SMARCAD1: variants seen among roughly 807,000 people sequenced by gnomAD.
SMARCAD1 encodes the protein SNF2 related chromatin remodeling ATPase with DExD box 1.
Under a neutral mutation model 127.1 loss-of-function variants are expected in SMARCAD1, and 25 were observed. The observed-to-expected ratio is 0.20, with a 90% CI of 0.14 to 0.27. The LOEUF is 0.27. Among genes scored for constraint, SMARCAD1 ranks in the 10% least tolerant of loss-of-function variants. The pLI is 1.00. For missense variants in SMARCAD1, 807 were observed against 1,206.0 expected (o/e 0.67, Z 4.90); for synonymous variants, 400 against 396.9 (o/e 1.01, Z -0.09).
chr4:94,269,533 C>T (rs1374394494), intron 10 of SMARCAD1, among the ~76,000 whole-genome samples: 3 of 148,850 alleles, frequency 2.0e-5, no homozygotes, highest in African/African-American at 7.4e-5. Flanking sequence ...ATGATAGTAA[C>T]TACTTTATGG....
chr4:94,221,737 T>C (rs754757048), intron 2 of SMARCAD1, among the ~76,000 whole-genome samples: 29 of 152,188 alleles, frequency 1.9e-4, no homozygotes, highest in African/African-American at 4.6e-4. Context: ...TTAGCTCTTA[T>C]ATGGGCTCTT....
chr4:94,261,859 C>G, intron 9 of SMARCAD1, among the ~76,000 whole-genome samples: 1 of 152,204 alleles, frequency 6.6e-6, no homozygotes, highest in East Asian at 1.9e-4. Flanking sequence ...GTGCTCTTGC[C>G]TTGGCCTCCC....
Position 94,249,201 on chromosome 4 carries a change from G to A in SMARCAD1, c.706-453G>A, listed in dbSNP as rs571932861. 3.9e-5 allele frequency among the ~76,000 whole-genome samples: 6 copies of A among 152,122 alleles called. No individual in the cohort carries two copies. In the East Asian group the frequency reaches 1.2e-3, roughly 29 times the overall value. ...TTGTGACTGAACAATTAATATTTAA[G>A]CCATTCTGTGAATCAAGAGTGAAGT... is the stretch of plus-strand genomic sequence containing the variant. On this transcript the variant is annotated intron_variant, in intron 6 of 23. Coordinates refer to ENST00000354268, the MANE Select transcript of SMARCAD1 (RefSeq NM_020159.5).
At chr4:94,214,922 T>G (rs560447975) in intron 2 of SMARCAD1, among the ~76,000 whole-genome samples, 1 of 152,146 alleles carries the variant, frequency 6.6e-6, no homozygotes. Context: ...ACTATACCAG[T>G]CGTCAGAAAG....
intron 2 of SMARCAD1, among the ~76,000 whole-genome samples, chr4:94,223,878 G>A (rs1251212624): frequency 6.6e-6 from 1 of 151,748 alleles, no homozygotes; most frequent in Non-Finnish European, 1.5e-5. Context: ...ACCGCACCTG[G>A]CCTCTCATAG....
intron 20 of SMARCAD1, among the ~76,000 whole-genome samples, 164 bp from the exon 21 acceptor site, chr4:94,281,308 T>C (rs1191297515): frequency 6.6e-6 from 1 of 152,248 alleles, no homozygotes. Context: ...AAGACATACG[T>C]CTTCGGTATT....
intron 9 of SMARCAD1, among the ~76,000 whole-genome samples, chr4:94,256,726 G>A (rs1012346873): frequency 1.3e-5 from 2 of 152,086 alleles, no homozygotes; most frequent in Non-Finnish European, 2.9e-5. Flanking sequence ...CTTAAAGCAT[G>A]GTAATACATA....
chr4:94,255,261 A>G (rs896426635), intron 9 of SMARCAD1, among the ~76,000 whole-genome samples: 1 of 152,070 alleles, frequency 6.6e-6, no homozygotes, highest in African/African-American at 2.4e-5. Context: ...CTTAGTCTTA[A>G]GAATTGGGGA....
chr4:94,253,690 A>T, intron 9 of SMARCAD1: 1 of 995,788 alleles, frequency 1.0e-6, no homozygotes, highest in Middle Eastern at 5.2e-4. Flanking sequence ...ACTTTGCATG[A>T]TCATTTTCTG....
chr4:94,244,506 A>C lies in SMARCAD1; in HGVS notation c.705+3500A>C, dbSNP rs547776343. 2.0e-5 allele frequency among the ~76,000 whole-genome samples: 3 copies of C among 152,312 alleles called. No homozygotes were observed. The South Asian group carries it at 6.2e-4, about 32-fold the overall frequency. On this transcript the variant is annotated intron_variant, in intron 6 of 23. Coordinates refer to ENST00000354268, the MANE Select transcript of SMARCAD1 (RefSeq NM_020159.5). ...ATAACCCAAATATGAAAGACAGAAA[A>C]CATGTTCTAGGATTTAAGGCTCCTA...
At chr4:94,256,615 G>A (rs535945840) in intron 9 of SMARCAD1, among the ~76,000 whole-genome samples, 45 of 152,240 alleles carry the variant, frequency 3.0e-4, no homozygotes, top group Non-Finnish European at 1.3e-4. Flanking sequence ...CACCTGTTGC[G>A]GCCTCTCCAA....
intron 19 of SMARCAD1, 121 bp from the exon 20 acceptor site, chr4:94,280,471 T>TA (rs750689203): frequency 4.6e-6 from 4 of 864,420 alleles, no homozygotes; most frequent in Non-Finnish European, 7.1e-6. Context: ...ATAAGTCTGT[T>TA]ACACTAAAAG....
At chr4:94,239,804 C>T (rs995488456) in intron 5 of SMARCAD1, among the ~76,000 whole-genome samples, 2 of 152,042 alleles carry the variant, frequency 1.3e-5, no homozygotes, top group Non-Finnish European at 2.9e-5. Context: ...AACTCCTGAG[C>T]CCCAGAGATC....
At position 94,222,110 on chromosome 4, in the gene SMARCAD1, C is replaced by T. The variant is rs542934623; in HGVS notation, c.191-4009C>T. Among the ~76,000 whole-genome samples, 9 of 152,190 alleles carry T rather than the reference C, an allele frequency of 5.9e-5. No homozygotes were observed. In the East Asian group the frequency reaches 1.7e-3, roughly 29 times the overall value. ...TTTGCCCTGGTACGGAGAGGGTACC[C>T]CTCCCAGAGGAGCCTTCATGACTTG... On this transcript the variant is annotated intron_variant, in intron 2 of 23. Coordinates refer to ENST00000354268, the MANE Select transcript of SMARCAD1 (RefSeq NM_020159.5).
Position 94,291,178 on chromosome 4 carries a change from GTTGTTA to G in SMARCAD1, c.*1650_*1655del, listed in dbSNP as rs976193183. On this transcript the variant is annotated 3_prime_UTR_variant, in exon 24 of 24. Coordinates refer to ENST00000354268, the MANE Select transcript of SMARCAD1 (RefSeq NM_020159.5). The stretch of plus-strand genomic sequence containing the variant: ...TCAATGATAGGCTGTTTCTTTTTTT[GTTGTTA>G]TTGTTGTTGTTGTTATATCCATACT... The G allele has an allele frequency of 3.1e-5, 14 of 452,236 alleles. No homozygotes were observed. Among genetic ancestry groups the G allele is most frequent in the South Asian group, 6.2e-5 (4 of 64,154 alleles). The allele number at this position is 452,236 out of a possible 1,614,324, so 28.0% of individuals were successfully genotyped here. A position where few individuals can be genotyped will look rare whatever the true frequency, so the allele number is the denominator to read the frequency against.
intron 10 of SMARCAD1, among the ~76,000 whole-genome samples, chr4:94,270,180 CAT>C (rs535401206): frequency 3.4e-4 from 52 of 151,938 alleles, no homozygotes; most frequent in East Asian, 9.8e-4. Context: ...TTTTGCTAAA[CAT>C]GTGCTGTGTA....
At chr4:94,277,197 T>C (rs1169732846) in intron 16 of SMARCAD1, 38 bp downstream of exon 16, 1 of 1,610,728 alleles carries the variant, frequency 6.2e-7, no homozygotes, top group South Asian at 1.1e-5. Context: ...AATATGTTAT[T>C]TGTGTTTTAT....
intron 2 of SMARCAD1, among the ~76,000 whole-genome samples, chr4:94,224,629 T>C (rs1744714713): frequency 6.6e-6 from 1 of 152,248 alleles, no homozygotes; most frequent in Non-Finnish European, 1.5e-5. Context: ...ATGTTCAATC[T>C]GTATTTACAG....
intron 9 of SMARCAD1, chr4:94,253,238 G>T: frequency 6.7e-7 from 1 of 1,497,774 alleles, no homozygotes. Context: ...CTGATTGGCT[G>T]GGAATACTGT....
Sources: gnomAD v4.1 joint callset for allele counts (sites outside exome capture counted in the v4.1 genomes callset) on GRCh38, gnomAD v4.1.1 for gene constraint, MANE v1.5 for transcripts, NCBI Gene and HGNC (gene_info 2026-07-23, HGNC 2026-07-21) for gene names.